ANK2: variants seen among roughly 807,000 people sequenced by gnomAD.
The protein encoded by ANK2 is ankyrin 2, also known as ankyrin-2.
Under a neutral mutation model 360.5 loss-of-function variants are expected in ANK2, and 83 were observed. That is an observed-to-expected ratio of 0.23 (90% CI 0.19 to 0.28). The LOEUF (loss-of-function observed/expected upper bound fraction) is 0.28, where lower values mean the gene tolerates loss of function less well. ANK2 is among the 10% of genes least tolerant of loss of function. The pLI is 1.00. For synonymous variants in ANK2, 1,740 were observed against 1,759.5 expected (o/e 0.99, Z 0.28); for missense variants, 4,201 against 4,795.7 (o/e 0.88, Z 3.66).
intron 4 of ANK2, among the ~76,000 whole-genome samples, chr4:113,219,459 A>G (rs1318631047): frequency 6.6e-6 from 1 of 151,990 alleles, no homozygotes; most frequent in Admixed American, 6.6e-5. Context: ...ATCTAAAATA[A>G]ACTTAATATT....
chr4:112,759,228 T>C, the ANK2 span, among the ~76,000 whole-genome samples: 2 of 152,218 alleles, frequency 1.3e-5, no homozygotes, highest in East Asian at 3.9e-4. Context: ...TTCAAACTCC[T>C]GGGCTCAAGT....
intron 2 of ANK2, among the ~76,000 whole-genome samples, chr4:112,995,235 A>G (rs1409755375): frequency 1.3e-5 from 2 of 152,142 alleles, no homozygotes; most frequent in Non-Finnish European, 2.9e-5. Context: ...CTAATAGTGT[A>G]TGAGCATTCC....
chr4:112,899,049 G>A (rs2082535532), intron 1 of ANK2, among the ~76,000 whole-genome samples: 1 of 152,196 alleles, frequency 6.6e-6, no homozygotes, highest in South Asian at 2.1e-4. Context: ...TAAGCCTTGT[G>A]TGCTGCTTTC....
At position 113,358,760 on chromosome 4, in the gene ANK2, G is replaced by A; in HGVS notation, c.10142G>A (p.Ser3381Asn). The change falls in exon 38 of 46, where the codon AGC becomes AAC. Residue 3381 changes from serine to asparagine, a missense_variant. This residue lies in a region of ANK2 where 2,642 missense variants were observed against 2,714.5 expected (regional missense o/e 0.97). Coordinates refer to ENST00000357077, the MANE Select transcript of ANK2 (RefSeq NM_001148.6). ...GCTCCTCAGGGACAGGACATGGCAAGCATCGCACCAGATAATAGAAGCAAA... is the reference window on the plus strand; with the variant it reads ...GCTCCTCAGGGACAGGACATGGCAAACATCGCACCAGATAATAGAAGCAAA... ...TVAPQGQDMA[S>N]IAPDNRSKSE... 6.2e-7 allele frequency: 1 copy of A among 1,614,094 alleles called. No homozygotes were observed. Among genetic ancestry groups the A allele is most frequent in the African/African-American group, 1.3e-5 (1 of 75,032 alleles).
At chr4:112,778,006 G>A in the ANK2 span, among the ~76,000 whole-genome samples, 3 of 150,504 alleles carry the variant, frequency 2.0e-5, no homozygotes, top group Non-Finnish European at 3.0e-5. Flanking sequence ...TTTTGCTCTT[G>A]TCATGCAGGC....
At chr4:112,730,578 A>G in the ANK2 span, among the ~76,000 whole-genome samples, 1 of 136,440 alleles carries the variant, frequency 7.3e-6, no homozygotes, top group African/African-American at 2.7e-5. Flanking sequence ...TGGAGATTGC[A>G]GTGAGCCGAG....
chr4:113,309,374 A>G (rs1168917263), intron 23 of ANK2, among the ~76,000 whole-genome samples: 1 of 152,234 alleles, frequency 6.6e-6, no homozygotes, highest in East Asian at 1.9e-4. Context: ...ATTCACTTTA[A>G]GTAGCACTGA....
At chr4:113,156,382 GT>G (rs1172211775) in intron 1 of ANK2, among the ~76,000 whole-genome samples, 1 of 82,688 alleles carries the variant, frequency 1.2e-5, no homozygotes, top group Non-Finnish European at 2.5e-5. Flanking sequence ...TTTTTTTTTT[GT>G]TTTTGAGACA....
intron 7 of ANK2, among the ~76,000 whole-genome samples, chr4:113,238,591 C>G (rs183704550): frequency 4.1e-4 from 63 of 152,238 alleles, no homozygotes; most frequent in Non-Finnish European, 7.5e-4. Context: ...AATTTCAATA[C>G]CTTTAATTTC....
intron 1 of ANK2, among the ~76,000 whole-genome samples, chr4:113,076,756 AC>A (rs1392866643): frequency 9.9e-5 from 15 of 151,678 alleles, no homozygotes; most frequent in Admixed American, 9.9e-4. Context: ...TGATAGTACC[AC>A]TGTACTCCAG....
At chr4:112,719,920 T>A in the ANK2 span, among the ~76,000 whole-genome samples, 1 of 151,960 alleles carries the variant, frequency 6.6e-6, no homozygotes, top group African/African-American at 2.4e-5. Flanking sequence ...TTTAGGCATT[T>A]TAGGGAGTTA....
At chr4:113,026,118 G>A (rs1395110) in intron 2 of ANK2, among the ~76,000 whole-genome samples, 75 of 152,260 alleles carry the variant, frequency 4.9e-4, no homozygotes, top group African/African-American at 1.6e-3. Flanking sequence ...CACAAATGCC[G>A]TAATACGTGG....
At chr4:113,009,301 A>C (rs1019838234) in intron 2 of ANK2, among the ~76,000 whole-genome samples, 1 of 152,158 alleles carries the variant, frequency 6.6e-6, no homozygotes, top group Non-Finnish European at 1.5e-5. Context: ...AGTGCCTTAA[A>C]GTTTTGAAAA....
At chr4:112,755,297 G>GT in the ANK2 span, among the ~76,000 whole-genome samples, 5 of 152,210 alleles carry the variant, frequency 3.3e-5, no homozygotes. Flanking sequence ...CAATGAATTA[G>GT]TTAACTGGTA....
intron 1 of ANK2, among the ~76,000 whole-genome samples, chr4:113,096,307 A>G (rs2090998427): frequency 6.6e-6 from 1 of 152,214 alleles, no homozygotes; most frequent in South Asian, 2.1e-4. Context: ...GAACCAATGA[A>G]ACCCCAAAAT....
chr4:112,737,547 A>G, the ANK2 span, among the ~76,000 whole-genome samples: 2 of 152,206 alleles, frequency 1.3e-5, no homozygotes, highest in Non-Finnish European at 2.9e-5. Context: ...TTTGCTCCAC[A>G]TGGCATCAGC....
chr4:113,305,326 C>G (rs1442933595), intron 23 of ANK2, among the ~76,000 whole-genome samples: 1 of 103,780 alleles, frequency 9.6e-6, no homozygotes, highest in Admixed American at 1.4e-4. Context: ...GGCGACAGAG[C>G]GAGACTCCGT....
intron 4 of ANK2, among the ~76,000 whole-genome samples, chr4:113,219,596 C>A (rs991237754): frequency 9.2e-5 from 14 of 152,084 alleles, no homozygotes; most frequent in African/African-American, 3.1e-4. Flanking sequence ...TCATCACTTG[C>A]AAGAGCAGAT....
chr4:113,212,834 T>C (rs1041199713), intron 4 of ANK2, among the ~76,000 whole-genome samples: 4 of 152,228 alleles, frequency 2.6e-5, no homozygotes, highest in African/African-American at 7.2e-5. Context: ...AGTGCAGCCA[T>C]GCAAGACCAG....
Sources: gnomAD v4.1 joint callset for allele counts (sites outside exome capture counted in the v4.1 genomes callset) on GRCh38, gnomAD v4.1.1 for gene constraint, gnomAD v4.1.1 regional missense constraint, MANE v1.5 for transcripts, NCBI Gene and HGNC (gene_info 2026-07-23, HGNC 2026-07-21) for gene names.